Variants in SMAP1 observed in about 807,000 individuals in gnomAD.
SMAP1 encodes the protein small ArfGAP 1.
Under a neutral mutation model 58.5 loss-of-function variants are expected in SMAP1, and 24 were observed. The observed-to-expected ratio is 0.41, with a 90% CI of 0.30 to 0.58. The LOEUF is 0.58. SMAP1 is among the 20% of genes least tolerant of loss of function. SMAP1 has a pLI of 0.29. For synonymous variants in SMAP1, 216 were observed against 196.6 expected, an observed-to-expected ratio of 1.10 and a Z score of -0.82; for missense variants, 563 against 566.3, an observed-to-expected ratio of 0.99 and a Z score of 0.06.
At chr6:70,803,028 G>A (rs1768935144) in intron 6 of SMAP1, among the ~76,000 whole-genome samples, 2 of 152,196 alleles carry the variant, frequency 1.3e-5, no homozygotes, top group South Asian at 4.1e-4. Context: ...CATAAAATGA[G>A]TTAGGGAGGA....
chr6:70,725,857 G>T (rs1768758912), intron 1 of SMAP1, among the ~76,000 whole-genome samples: 1 of 152,208 alleles, frequency 6.6e-6, no homozygotes, highest in South Asian at 2.1e-4. Context: ...TAGAAGGATT[G>T]ATAGTTCTGG....
chr6:70,762,571 G>A lies in SMAP1; in HGVS notation c.338+7506G>A, dbSNP rs562578051. ...CTGAGAGCAACCAAAGATATAGCAT[G>A]TTTTCCAAACTAGATTTCTTCCTTG... On this transcript the variant is annotated intron_variant, in intron 3 of 10. Transcript: ENST00000370455. Among the ~76,000 whole-genome samples, 26 of 152,200 alleles carry A rather than the reference G, an allele frequency of 1.7e-4. No individual in the cohort carries two copies. The East Asian group carries it at 2.3e-3, about 14-fold the overall frequency.
chr6:70,836,347 A>C (rs1770583619), intron 6 of SMAP1, among the ~76,000 whole-genome samples: 1 of 152,030 alleles, frequency 6.6e-6, no homozygotes, highest in Non-Finnish European at 1.5e-5. Flanking sequence ...CGTCAAATCA[A>C]CAGCACAGGA....
At chr6:70,734,151 T>G (rs1215105688) in intron 2 of SMAP1, among the ~76,000 whole-genome samples, 2 of 151,624 alleles carry the variant, frequency 1.3e-5, no homozygotes, top group African/African-American at 4.9e-5. Flanking sequence ...TTCCCATCTT[T>G]TTTTTTTTGA....
intron 1 of SMAP1, among the ~76,000 whole-genome samples, chr6:70,720,427 G>A (rs897839795): frequency 6.6e-6 from 1 of 152,176 alleles, no homozygotes; most frequent in Non-Finnish European, 1.5e-5. Context: ...GGCACATAGT[G>A]CAGGCTGTTA....
intron 3 of SMAP1, among the ~76,000 whole-genome samples, chr6:70,770,934 A>G (rs972467917): frequency 4.2e-4 from 64 of 152,182 alleles, no homozygotes; most frequent in African/African-American, 1.4e-3. Context: ...TTTGGTGTGG[A>G]TGTCCTTTCT....
chr6:70,851,044 TTTAA>T (rs1195324760), intron 7 of SMAP1, among the ~76,000 whole-genome samples: 1 of 152,150 alleles, frequency 6.6e-6, no homozygotes, highest in Non-Finnish European at 1.5e-5. Flanking sequence ...TTCTTCACCT[TTTAA>T]TTGTCCATAG....
chr6:70,793,326 C>T (rs1462779792), intron 5 of SMAP1, among the ~76,000 whole-genome samples: 1 of 152,152 alleles, frequency 6.6e-6, no homozygotes, highest in Non-Finnish European at 1.5e-5. Flanking sequence ...AGCCACTGCG[C>T]CTGGCCAAGA....
At chr6:70,836,595 A>G (rs1770597339) in intron 6 of SMAP1, among the ~76,000 whole-genome samples, 1 of 152,180 alleles carries the variant, frequency 6.6e-6, no homozygotes, top group African/African-American at 2.4e-5. Context: ...CACACAGCCA[A>G]ACTCTATCAC....
chr6:70,788,639 G>A (rs890089847), intron 4 of SMAP1, among the ~76,000 whole-genome samples: 1 of 152,118 alleles, frequency 6.6e-6, no homozygotes, highest in African/African-American at 2.4e-5. Context: ...AGAGGGACTA[G>A]CAAGAGGAAA....
intron 3 of SMAP1, among the ~76,000 whole-genome samples, chr6:70,758,291 A>T (rs188470292): frequency 0.024 from 3,550 of 149,616 alleles, 52 homozygotes; most frequent in Non-Finnish European, 0.037. Context: ...AACACTGCAT[A>T]TTCTCACTTA....
rs191356822 is a variant in SMAP1 at position 70,860,554 on chromosome 6, T to G, written c.*220T>G. 2.1e-6 allele frequency: 1 copy of G among 474,772 alleles called. No individual in the cohort carries two copies. Among genetic ancestry groups the G allele is most frequent in the African/African-American group, 2.0e-5 (1 of 50,366 alleles). The allele number at this position is 474,772 out of a possible 1,614,324, so 29.4% of individuals were successfully genotyped here. A position where few individuals can be genotyped will look rare whatever the true frequency, so the allele number is the denominator to read the frequency against. ...ATGTCAAGGGCAGCTTTGCTCATAT[T>G]TCCCATGATTTCATGTACTGCATTA... On this transcript the variant is annotated 3_prime_UTR_variant, in exon 11 of 11. Coordinates refer to ENST00000370455, the MANE Select transcript of SMAP1 (RefSeq NM_001044305.3).
chr6:70,731,653 A>G (rs1765436086), intron 1 of SMAP1, among the ~76,000 whole-genome samples: 1 of 152,226 alleles, frequency 6.6e-6, no homozygotes, highest in African/African-American at 2.4e-5. Context: ...AATTTATGTA[A>G]ATGGTTTCAC....
chr6:70,696,195 C>CA (rs543090947), intron 1 of SMAP1, among the ~76,000 whole-genome samples: 24 of 151,000 alleles, frequency 1.6e-4, no homozygotes, highest in South Asian at 4.2e-4. Context: ...CTTATCTTTT[C>CA]AAAAAAAACA....
chr6:70,681,275 A>T (rs990469532), intron 1 of SMAP1, among the ~76,000 whole-genome samples: 6 of 151,050 alleles, frequency 4.0e-5, no homozygotes, highest in African/African-American at 1.5e-4. Context: ...AAATAAAATT[A>T]AAAAAAAATA....
chr6:70,720,321 A>C (rs1265097052), intron 1 of SMAP1, among the ~76,000 whole-genome samples: 2 of 152,172 alleles, frequency 1.3e-5, no homozygotes, highest in Admixed American at 1.3e-4. Context: ...GTGGGTTCCC[A>C]TGGTCTTGGG....
At chr6:70,697,550 C>T (rs1767458794) in intron 1 of SMAP1, among the ~76,000 whole-genome samples, 1 of 152,170 alleles carries the variant, frequency 6.6e-6, no homozygotes, top group Non-Finnish European at 1.5e-5. Context: ...TCGTGATTTG[C>T]CTGCCTCGGC....
intron 1 of SMAP1, among the ~76,000 whole-genome samples, chr6:70,680,919 A>G (rs1766681963): frequency 6.6e-6 from 1 of 151,776 alleles, no homozygotes; most frequent in Admixed American, 6.6e-5. Flanking sequence ...GGGTTTTGCC[A>G]TGTTGGCCAG....
chr6:70,770,003 C>T (rs1348457629), intron 3 of SMAP1, among the ~76,000 whole-genome samples: 3 of 151,730 alleles, frequency 2.0e-5, no homozygotes, highest in African/African-American at 7.3e-5. Context: ...ATTTCTCCTT[C>T]ACTTATGAAG....
Sources: allele counts gnomAD v4.1 joint callset (sites outside exome capture counted in the v4.1 genomes callset), GRCh38; gene constraint gnomAD v4.1.1; transcripts MANE v1.5; gene names NCBI Gene and HGNC (gene_info 2026-07-23, HGNC 2026-07-21).